The following SLC2A7 variants were observed in gnomAD, a reference collection of about 807,000 sequenced individuals.
SLC2A7 encodes the protein solute carrier family 2, facilitated glucose transporter member 7.
In SLC2A7, 50 loss-of-function variants were observed where a neutral mutation model predicts 50.5. The observed-to-expected ratio is 0.99, with a 90% CI of 0.79 to 1.25. SLC2A7 has a LOEUF of 1.25. SLC2A7 is among the 50% of genes most tolerant of loss of function. The pLI, the probability that SLC2A7 is intolerant of heterozygous loss-of-function variation, is 0.00. For synonymous variants in SLC2A7, 308 were observed against 300.4 expected, an observed-to-expected ratio of 1.03 and a Z score of -0.26; for missense variants, 683 against 679.1, an observed-to-expected ratio of 1.01 and a Z score of -0.06.
At chr1:8,997,614 A>G in the SLC2A7 span, among the ~76,000 whole-genome samples, 1 of 152,058 alleles carries the variant, frequency 6.6e-6, no homozygotes, top group South Asian at 2.1e-4. Context: ...TGACCAGGCT[A>G]GTCTCGAACT....
intron 7 of SLC2A7, 130 bp from the exon 8 acceptor site, chr1:9,013,765 G>A: frequency 1.4e-6 from 1 of 715,316 alleles, no homozygotes; most frequent in Non-Finnish European, 2.2e-6. Context: ...AGGGTAGCAG[G>A]TGGTGGGAAA....
At chr1:9,024,108 C>T (rs1222289820) in intron 2 of SLC2A7, among the ~76,000 whole-genome samples, 5 of 152,080 alleles carry the variant, frequency 3.3e-5, no homozygotes, top group African/African-American at 1.2e-4. Flanking sequence ...AGGTGATCCA[C>T]CCACCTCAGC....
At chr1:9,026,087 C>T (rs144093959) in intron 1 of SLC2A7, among the ~76,000 whole-genome samples, 15 of 152,330 alleles carry the variant, frequency 9.8e-5, no homozygotes, top group East Asian at 7.7e-4. Context: ...TCCCAGCATT[C>T]GCTCAGCCAC....
rs748495662 is a variant in SLC2A7 at position 9,019,352 on chromosome 1, C to T, written c.312-19G>A. The T allele has an allele frequency of 8.7e-6, 14 of 1,613,162 alleles. No homozygotes were observed. The highest frequency in any genetic ancestry group is 1.1e-5 in the Non-Finnish European group (13 of 1,179,558). On this transcript the variant is annotated intron_variant, in intron 3 of 11. Transcript: ENST00000400906. ...CCCCTTTCTGCAAAGACAGTGAGCC[C>T]AGAGGGCAGGGGTGCGTGGAGGCCG...
intron 8 of SLC2A7, among the ~76,000 whole-genome samples, chr1:9,011,129 G>A (rs1423360449): frequency 1.3e-5 from 2 of 152,218 alleles, no homozygotes; most frequent in South Asian, 2.1e-4. Context: ...AAACCTGCTC[G>A]CTCTGCCTCA....
rs1640780420 is a variant in SLC2A7 at position 9,013,527 on chromosome 1, A to C, written c.1012T>G (p.Ser338Ala). The change falls in exon 8 of 12, where the codon TCG (serine) becomes GCG (alanine). Residue 338 changes from serine (S) to alanine (A), a missense_variant and splice_region_variant. Ser to Ala is a moderately conservative substitution (Grantham distance 99). Transcript: ENST00000400906. ...GVVNIVMTITSAVLVERLGRR... is the reference protein window; with the variant it reads ...GVVNIVMTITAAVLVERLGRR... ...AAGGATGCCTCCTGCTCACTCACCG[A>C]GGTGATGGTCATCACTATGTTGACG... The C allele has an allele frequency of 6.8e-6, 11 of 1,612,920 alleles. No individual in the cohort carries two copies. The highest frequency in any genetic ancestry group is 7.6e-6 in the Non-Finnish European group (9 of 1,179,694).
rs74867339 is a variant in SLC2A7, at chr1:9,015,451, G to T, written c.590-209C>A. Among the ~76,000 whole-genome samples the T allele has an allele frequency of 2.5e-3, 378 of 152,304 alleles. 1 individual carries two copies. Among genetic ancestry groups the T allele is most frequent in the African/African-American group, 8.7e-3 (360 of 41,572 alleles). On this transcript the variant is annotated intron_variant, in intron 5 of 11. Coordinates refer to ENST00000400906, the MANE Select transcript of SLC2A7 (RefSeq NM_207420.3). ...TTACACGTCATTAATTATTTTGCAG[G>T]AAGAACACCGTTTCTCTAAAGAATA... is the stretch of plus-strand genomic sequence containing the variant.
chr1:9,020,977 T>C (rs143332325), intron 3 of SLC2A7, among the ~76,000 whole-genome samples: 2 of 152,286 alleles, frequency 1.3e-5, no homozygotes, highest in African/African-American at 4.8e-5. Context: ...CCTTCCGCCA[T>C]GATTGTGAGG....
Position 9,018,395 on chromosome 1 carries a change from A to T in SLC2A7, c.437-20T>A. ...AGATGCCTGGTTTGGGCACAGCAGA[A>T]ATCAGGGCAGGCAAACCGCAAACGC... On this transcript the variant is annotated intron_variant, in intron 4 of 11. Transcript: ENST00000400906. 6.2e-7 allele frequency: 1 copy of T among 1,613,586 alleles called. No homozygotes were observed.
rs753210080 is a variant in SLC2A7, at chr1:9,015,072, C to T, written c.715+45G>A. 11 of 1,608,620 alleles carry T rather than the reference C, an allele frequency of 6.8e-6. No homozygotes were observed. In the South Asian group the frequency reaches 1.1e-4, roughly 16 times the overall value. ...GGCCCTGACCGTGTCTCTGCCTGGC[C>T]CCCGGGGTGGGCAGGGCCTGGGAGA... On this transcript the variant is annotated intron_variant, in intron 6 of 11. Transcript: ENST00000400906.
At chr1:9,001,602 G>A (rs11812054), downstream of SLC2A7, among the ~76,000 whole-genome samples, 3,485 of 152,080 alleles carry the variant, frequency 0.023, 112 homozygotes, top group African/African-American at 0.079. Context: ...ATTTTCAGTA[G>A]AGACGGGGTT....
At chr1:9,014,905 T>G in intron 6 of SLC2A7, 37 bp from the exon 7 acceptor site, 2 of 1,545,848 alleles carry the variant, frequency 1.3e-6, no homozygotes, top group Non-Finnish European at 1.7e-6. Flanking sequence ...GAGGGCCGTC[T>G]CCCTGCAGGC....
intron 5 of SLC2A7, among the ~76,000 whole-genome samples, chr1:9,017,345 A>G (rs1383495910): frequency 6.6e-6 from 1 of 152,048 alleles, no homozygotes; most frequent in Non-Finnish European, 1.5e-5. Flanking sequence ...AAACAACAAC[A>G]ACAACAACAA....
intron 6 of SLC2A7, 61 bp downstream of exon 6, chr1:9,015,056 C>A (rs758780698): frequency 1.9e-6 from 3 of 1,601,642 alleles, no homozygotes; most frequent in African/African-American, 2.7e-5. Context: ...TGGCCCTGAC[C>A]GTGTCTCTGC....
At position 9,008,836 on chromosome 1, in the gene SLC2A7, T is replaced by C. The variant is rs1014784761; in HGVS notation, c.1116+1307A>G. 2.2e-4 allele frequency among the ~76,000 whole-genome samples: 33 copies of C among 152,208 alleles called. No individual in the cohort carries two copies. Among genetic ancestry groups the C allele is most frequent in the Non-Finnish European group, 1.2e-4 (8 of 68,038 alleles). ...CTCTAGAACTCCTGACCTCAGGTGA[T>C]CCACCCGCTTTGGCTTCCCAAAGTG... On this transcript the variant is annotated intron_variant, in intron 9 of 11. Transcript: ENST00000400906. The surrounding 1 kb of genome is among the most constrained non-coding windows in gnomAD (Gnocchi z 5.9).
At position 9,013,567 on chromosome 1, in the gene SLC2A7, C is replaced by T. The variant is rs113762316; in HGVS notation, c.972G>A (p.Thr324=). 2.5e-5 allele frequency: 41 copies of T among 1,614,040 alleles called. No homozygotes were observed. The highest frequency in any genetic ancestry group is 1.3e-4 in the South Asian group (12 of 91,052). ...GVEAAHSQYV[T]VGSGVVNIVM... is the part of the protein sequence containing the mutation. ...CTATGTTGACGACGCCAGAGCCCAC[C>T]GTTACATATTGGGAGTGAGCGGCCT... The change falls in exon 8 of 12, where the codon ACG becomes ACA. Residue 324 remains threonine, a synonymous_variant. Coordinates refer to ENST00000400906, the MANE Select transcript of SLC2A7 (RefSeq NM_207420.3).
At chr1:9,020,128 C>A (rs1165400746) in intron 3 of SLC2A7, among the ~76,000 whole-genome samples, 2 of 151,782 alleles carry the variant, frequency 1.3e-5, no homozygotes, top group African/African-American at 2.4e-5. Context: ...GAAGAAGGGG[C>A]GAATGGGCAG....
chr1:9,014,994 C>G (rs1640807294), intron 6 of SLC2A7, 123 bp downstream of exon 6: 12 of 1,516,308 alleles, frequency 7.9e-6, no homozygotes, highest in South Asian at 7.5e-5. Context: ...TGCCACCCCC[C>G]CACCCCGTTC....
chr1:9,010,111 C>T, intron 9 of SLC2A7, 32 bp downstream of exon 9: 7 of 1,454,328 alleles, frequency 4.8e-6, no homozygotes, highest in Non-Finnish European at 6.6e-6. Flanking sequence ...CCCCATGACT[C>T]CCCACCCAGG....
Sources: allele counts gnomAD v4.1 joint callset (sites outside exome capture counted in the v4.1 genomes callset), GRCh38; gene constraint gnomAD v4.1.1; non-coding constraint Gnocchi (gnomAD v3.1); transcripts MANE v1.5; gene names NCBI Gene and HGNC (gene_info 2026-07-23, HGNC 2026-07-21).